SGCZ: variants seen among roughly 807,000 people sequenced by gnomAD.
The protein encoded by SGCZ is sarcoglycan zeta, also known as zeta-sarcoglycan.
Under a neutral mutation model 41.3 loss-of-function variants are expected in SGCZ, and 40 were observed. That is an observed-to-expected ratio of 0.97 (90% CI 0.75 to 1.26). The LOEUF is 1.26. Ranked by LOEUF, SGCZ falls within the 50% of genes most tolerant of loss-of-function variation. The pLI is 0.00. For synonymous variants in SGCZ, 206 were observed against 137.5 expected, an observed-to-expected ratio of 1.50 and a Z score of -3.49; for missense variants, 552 against 369.8, an observed-to-expected ratio of 1.49 and a Z score of -4.04.
At chr8:14,914,422 GA>G in intron 1 of SGCZ, among the ~76,000 whole-genome samples, 1 of 151,944 alleles carries the variant, frequency 6.6e-6, no homozygotes. Flanking sequence ...GGTTACCACT[GA>G]AAACTCTTAT....
At chr8:14,641,855 G>A (rs1807037793) in intron 1 of SGCZ, among the ~76,000 whole-genome samples, 1 of 151,616 alleles carries the variant, frequency 6.6e-6, no homozygotes, top group Non-Finnish European at 1.5e-5. Context: ...CAGCTTTACT[G>A]TAATTCTATT....
At chr8:15,042,581 A>T (rs991993224) in intron 1 of SGCZ, among the ~76,000 whole-genome samples, 1 of 152,168 alleles carries the variant, frequency 6.6e-6, no homozygotes, top group Non-Finnish European at 1.5e-5. Context: ...CTACAACCAG[A>T]TTATTACTTG....
chr8:14,745,106 T>G (rs895261389), intron 1 of SGCZ, among the ~76,000 whole-genome samples: 1 of 152,240 alleles, frequency 6.6e-6, no homozygotes, highest in Non-Finnish European at 1.5e-5. Context: ...TTATTTTCCC[T>G]GACTGTAAGT....
At chr8:15,017,505 A>C (rs755890640) in intron 1 of SGCZ, among the ~76,000 whole-genome samples, 1 of 152,046 alleles carries the variant, frequency 6.6e-6, no homozygotes, top group African/African-American at 2.4e-5. Flanking sequence ...TATTAGCATC[A>C]CATTATTTTT....
chr8:14,631,558 T>A (rs935436103), intron 1 of SGCZ, among the ~76,000 whole-genome samples: 3 of 152,092 alleles, frequency 2.0e-5, no homozygotes, highest in African/African-American at 7.2e-5. Flanking sequence ...CATAAATGGA[T>A]ATGAATAAAG....
At chr8:15,077,490 G>A (rs1242639489) in intron 1 of SGCZ, among the ~76,000 whole-genome samples, 2 of 152,182 alleles carry the variant, frequency 1.3e-5, no homozygotes, top group Non-Finnish European at 2.9e-5. Context: ...TTTAGTGTGT[G>A]TTCCACCATA....
intron 2 of SGCZ, among the ~76,000 whole-genome samples, chr8:14,397,659 A>G (rs1798956992): frequency 6.6e-6 from 1 of 152,148 alleles, no homozygotes; most frequent in Non-Finnish European, 1.5e-5. Flanking sequence ...TCTCATCTTT[A>G]CAAAACACAT....
intron 1 of SGCZ, among the ~76,000 whole-genome samples, chr8:14,555,921 T>C (rs1450372412): frequency 6.6e-6 from 1 of 152,036 alleles, no homozygotes; most frequent in Non-Finnish European, 1.5e-5. Context: ...GAAAAAAATA[T>C]TTAACTCTAA....
chr8:14,669,824 C>T (rs1473413333), intron 1 of SGCZ, among the ~76,000 whole-genome samples: 2 of 151,976 alleles, frequency 1.3e-5, no homozygotes, highest in African/African-American at 4.8e-5. Flanking sequence ...GATATCTCAT[C>T]GAGATCCTCA....
At chr8:14,579,423 A>G (rs1170819459) in intron 1 of SGCZ, among the ~76,000 whole-genome samples, 2 of 152,154 alleles carry the variant, frequency 1.3e-5, no homozygotes, top group Non-Finnish European at 2.9e-5. Context: ...TACACTCTCT[A>G]TCAAGCATTG....
At chr8:14,441,819 CT>C (rs909390832) in intron 2 of SGCZ, among the ~76,000 whole-genome samples, 3 of 152,052 alleles carry the variant, frequency 2.0e-5, no homozygotes, top group African/African-American at 7.2e-5. Context: ...GTTTCTATAG[CT>C]TTTTTTAACC....
chr8:14,580,776 T>C (rs1249694497), intron 1 of SGCZ, among the ~76,000 whole-genome samples: 1 of 152,100 alleles, frequency 6.6e-6, no homozygotes, highest in East Asian at 1.9e-4. Flanking sequence ...AGAAAGAAAA[T>C]GGATACTATC....
intron 3 of SGCZ, among the ~76,000 whole-genome samples, chr8:14,303,876 C>T (rs780254718): frequency 2.0e-4 from 31 of 152,008 alleles, no homozygotes; most frequent in Admixed American, 8.5e-4. Context: ...TTCAGTCTCC[C>T]GAGTGGCTAG....
intron 1 of SGCZ, among the ~76,000 whole-genome samples, chr8:15,020,148 C>G (rs535485246): frequency 2.0e-5 from 3 of 151,966 alleles, no homozygotes; most frequent in African/African-American, 7.3e-5. Context: ...AACTGAAGAT[C>G]TGAGGAGAAG....
chr8:14,507,371 C>T (rs1459027172), intron 2 of SGCZ, among the ~76,000 whole-genome samples: 1 of 152,156 alleles, frequency 6.6e-6, no homozygotes, highest in Non-Finnish European at 1.5e-5. Flanking sequence ...TTAAAATCTT[C>T]TAATACATCC....
intron 4 of SGCZ, among the ~76,000 whole-genome samples, chr8:14,187,139 A>G (rs1804933369): frequency 6.6e-6 from 1 of 152,208 alleles, no homozygotes; most frequent in African/African-American, 2.4e-5. Flanking sequence ...GGGTCAGGGA[A>G]GAGGCAAAGG....
At chr8:14,341,110 T>C (rs1802689910) in intron 2 of SGCZ, among the ~76,000 whole-genome samples, 1 of 152,224 alleles carries the variant, frequency 6.6e-6, no homozygotes, top group South Asian at 2.1e-4. Context: ...CAAAATTTCC[T>C]TCCTTTTTGC....
intron 1 of SGCZ, among the ~76,000 whole-genome samples, chr8:14,601,410 A>G (rs1283118721): frequency 6.6e-6 from 1 of 152,218 alleles, no homozygotes; most frequent in African/African-American, 2.4e-5. Context: ...TTATTAAAAT[A>G]CAATAAATGG....
intron 1 of SGCZ, among the ~76,000 whole-genome samples, chr8:14,567,313 G>C (rs535248810): frequency 7.7e-4 from 118 of 152,306 alleles, no homozygotes; most frequent in Middle Eastern, 3.4e-3. Context: ...AGTCTAGTGG[G>C]GACTTGGAGA....
Sources: gnomAD v4.1 joint callset for allele counts (sites outside exome capture counted in the v4.1 genomes callset) on GRCh38, gnomAD v4.1.1 for gene constraint, MANE v1.5 for transcripts, NCBI Gene and HGNC (gene_info 2026-07-23, HGNC 2026-07-21) for gene names.